ZNF488: variants seen among roughly 807,000 people sequenced by gnomAD.
ZNF488 encodes zinc finger protein 488.
ZNF488 carries 1 observed loss-of-function variant against 1.2 expected under a neutral mutation model. The observed-to-expected ratio is 0.86, with a 90% CI of 0.30 to 4.07. ZNF488 has a LOEUF of 4.07. Among genes scored for constraint, ZNF488 ranks in the 30% most tolerant of loss-of-function variants. The pLI is 0.18. For missense variants in ZNF488, 450 were observed against 437.9 expected, an observed-to-expected ratio of 1.03 and a Z score of -0.25; for synonymous variants, 185 against 190.1, an observed-to-expected ratio of 0.97 and a Z score of 0.22.
At chr10:47,372,763 A>C (rs1323827186) in intron 1 of ZNF488, among the ~76,000 whole-genome samples, 1 of 152,206 alleles carries the variant, frequency 6.6e-6, no homozygotes, top group Non-Finnish European at 1.5e-5. Flanking sequence ...AAAATATCAA[A>C]GACATCAGGA....
chr10:47,379,827 G>C (rs1223837925), intron 1 of ZNF488, among the ~76,000 whole-genome samples: 4 of 152,188 alleles, frequency 2.6e-5, no homozygotes, highest in African/African-American at 7.2e-5. Context: ...ACCTCAGATG[G>C]GGGTATCTCA....
At chr10:47,378,258 C>T (rs1174900796) in intron 1 of ZNF488, among the ~76,000 whole-genome samples, 1 of 152,186 alleles carries the variant, frequency 6.6e-6, no homozygotes, top group East Asian at 1.9e-4. Flanking sequence ...GAAGTGCCCA[C>T]GGTGTGGAAG....
At position 47,368,164 on chromosome 10, in the gene ZNF488, T is replaced by C. The variant is rs1395118687; in HGVS notation, c.666A>G (p.Ala222=). Residue 222 remains alanine (A), a synonymous_variant, in exon 2 of 2, where the codon GCA becomes GCG. Transcript: ENST00000585316. ...TACAGAGTGGAGCATTCTGTGGCAATGCTTGCAAGTTCCACAAATCACCAA... is the reference window on the plus strand; with the variant it reads ...TACAGAGTGGAGCATTCTGTGGCAACGCTTGCAAGTTCCACAAATCACCAA... The part of the protein sequence containing the change: ...LLVGDLWNLQ[A]LPQNAPLCST... 3.1e-6 allele frequency: 5 copies of C among 1,614,040 alleles called. No individual in the cohort carries two copies. Among genetic ancestry groups the C allele is most frequent in the Non-Finnish European group, 4.2e-6 (5 of 1,180,038 alleles).
At chr10:47,369,949 C>G (rs782693693) in intron 1 of ZNF488, among the ~76,000 whole-genome samples, 3 of 152,206 alleles carry the variant, frequency 2.0e-5, no homozygotes, top group Non-Finnish European at 4.4e-5. Flanking sequence ...ATCAAGCCTG[C>G]AACAGGACAG....
At chr10:47,380,886 G>T (rs527323242) in intron 1 of ZNF488, among the ~76,000 whole-genome samples, 8 of 53,924 alleles carry the variant, frequency 1.5e-4, no homozygotes, top group African/African-American at 5.9e-4. Context: ...AGATTAGAAG[G>T]ATTAATATAG....
intron 1 of ZNF488, among the ~76,000 whole-genome samples, chr10:47,378,590 G>A (rs566258609): frequency 2.6e-5 from 4 of 152,228 alleles, no homozygotes; most frequent in African/African-American, 9.6e-5. Flanking sequence ...CCTGCTTCCC[G>A]CCCAGCCATG....
intron 1 of ZNF488, 49 bp from the exon 2 acceptor site, chr10:47,368,986 G>A: frequency 1.2e-6 from 1 of 820,740 alleles, no homozygotes. Flanking sequence ...TCATCACTCA[G>A]GCACAGTGCA....
At chr10:47,374,174 C>T (rs1352012627) in intron 1 of ZNF488, among the ~76,000 whole-genome samples, 1 of 152,172 alleles carries the variant, frequency 6.6e-6, no homozygotes, top group African/African-American at 2.4e-5. Context: ...CACCAGGTGT[C>T]CTCTATGGTC....
At chr10:47,374,406 G>T (rs1837598356) in intron 1 of ZNF488, among the ~76,000 whole-genome samples, 2 of 152,124 alleles carry the variant, frequency 1.3e-5, no homozygotes, top group Admixed American at 1.3e-4. Flanking sequence ...ACAGGACTGT[G>T]GACTCCTTCT....
rs34581622 is a variant in ZNF488, at chr10:47,368,631, G to A, written c.199C>T (p.Arg67Trp). ...GPEAAVGRAG[R>W]DVGSAELALL... Reference sequence around the variant, plus strand: ...GCCAGCTCCGCACTGCCCACATCCCGGCCCGCCCTGCCCACAGCAGCCTCA... The same window carrying A: ...GCCAGCTCCGCACTGCCCACATCCCAGCCCGCCCTGCCCACAGCAGCCTCA... The change falls in exon 2 of 2, where the codon CGG (arginine) becomes TGG (tryptophan). Residue 67 changes from arginine to tryptophan, a missense_variant. Coordinates refer to ENST00000585316, the MANE Select transcript of ZNF488 (RefSeq NM_153034.4). 2.5e-4 allele frequency: 404 copies of A among 1,610,362 alleles called. No homozygotes were observed. Among genetic ancestry groups the A allele is most frequent in the African/African-American group, 1.7e-3 (129 of 75,038 alleles).
Position 47,368,040 on chromosome 10 carries a change from G to A in ZNF488, c.790C>T (p.Pro264Ser). ...GACAAGCCCAGGGAGGTGAGGGTGG[G>A]TGGCAGGAGGGCCCACGAAGTGGTG... ...SSTTSWALLP[P>S]TLTSLGLSTQ... The change falls in exon 2 of 2, where the codon CCC (proline) becomes TCC (serine). Residue 264 changes from proline (P) to serine (S), a missense_variant. Physicochemically the swap from Pro to Ser is moderately conservative, Grantham distance 74 (BLOSUM62 -1). Transcript: ENST00000585316. 1 of 1,614,086 alleles carries A rather than the reference G, an allele frequency of 6.2e-7. No homozygotes were observed. Among genetic ancestry groups the A allele is most frequent in the Non-Finnish European group, 8.5e-7 (1 of 1,179,978 alleles).
At chr10:47,380,571 A>ACCC (rs749926097) in intron 1 of ZNF488, among the ~76,000 whole-genome samples, 9 of 151,516 alleles carry the variant, frequency 5.9e-5, no homozygotes, top group Non-Finnish European at 1.2e-4. Context: ...AGCCTCGCCC[A>ACCC]CCCCACAGTG....
At position 47,384,279 on chromosome 10, in the gene ZNF488, A is replaced by C. The variant is rs1359843551; in HGVS notation, c.-168T>G. 7.2e-5 allele frequency: 11 copies of C among 152,230 alleles called. No individual in the cohort carries two copies. The highest frequency in any genetic ancestry group is 2.7e-4 in the African/African-American group (11 of 41,444). 9.4% of individuals were successfully genotyped at this position (152,230 alleles called of 1,614,324 possible). On this transcript the variant is annotated 5_prime_UTR_variant, in exon 1 of 2. Transcript: ENST00000585316. The stretch of plus-strand genomic sequence containing the variant: ...GGTGCAGCACAGCCTCCTCCCGGCC[A>C]AGAGCACTGCGCGTGGCTCTGAACT...
rs114060999 is a variant in ZNF488, at chr10:47,371,875, C to T, written c.-108-2938G>A. 3.1e-3 allele frequency among the ~76,000 whole-genome samples: 469 copies of T among 152,202 alleles called. 7 individuals carry two copies. The highest frequency in any genetic ancestry group is 0.011 in the African/African-American group (439 of 41,530). ...AGTTTCCTGGGAGCGGAGGGGCCTT[C>T]CCAGTGGGTGGACTATTTCTCATGG... is the stretch of plus-strand genomic sequence containing the variant. On this transcript the variant is annotated intron_variant, in intron 1 of 1. Transcript: ENST00000585316.
chr10:47,382,151 C>T (rs1011062857), intron 1 of ZNF488, among the ~76,000 whole-genome samples: 4 of 152,244 alleles, frequency 2.6e-5, no homozygotes, highest in Admixed American at 6.5e-5. Context: ...CAGGCACTCA[C>T]GGACAGGACT....
In ZNF488 at chr10:47,368,320, T is replaced by C; in HGVS notation, c.510A>G (p.Pro170=). 2 of 1,614,210 alleles carry C rather than the reference T, an allele frequency of 1.2e-6. No individual in the cohort carries two copies. Among genetic ancestry groups the C allele is most frequent in the Non-Finnish European group, 1.7e-6 (2 of 1,180,046 alleles). ...CTGAGGTTAGCTCAGGCCTCTCTGC[T>C]GGTCGCTTGGTTGGTTTGCTAAAGG... ...RSAFSKPTKR[P]AERPELTSVF... The change falls in exon 2 of 2, where the codon CCA becomes CCG. Residue 170 remains proline, a synonymous_variant. Transcript: ENST00000585316.
chr10:47,369,614 C>T (rs530109655), intron 1 of ZNF488, among the ~76,000 whole-genome samples: 15 of 152,310 alleles, frequency 9.8e-5, no homozygotes, highest in Middle Eastern at 3.4e-3. Context: ...AGCTTCTGCG[C>T]GGTCTCTGAT....
At chr10:47,380,155 CCT>C (rs782159790) in intron 1 of ZNF488, among the ~76,000 whole-genome samples, 1 of 152,400 alleles carries the variant, frequency 6.6e-6, no homozygotes, top group Admixed American at 6.5e-5. Flanking sequence ...GCTCTCACCC[CCT>C]GACACTCTTT....
At position 47,367,699 on chromosome 10, in the gene ZNF488, GCAGCAGCTCTGCAAAGGA is replaced by G. The variant is rs1355808643; in HGVS notation, c.*90_*107del. The G allele has an allele frequency of 1.6e-6, 2 of 1,276,388 alleles. No homozygotes were observed. Among genetic ancestry groups the G allele is most frequent in the African/African-American group, 3.0e-5 (2 of 66,808 alleles). The allele number at this position is 1,276,388 out of a possible 1,614,324, so 79.1% of individuals were successfully genotyped here. On this transcript the variant is annotated 3_prime_UTR_variant, in exon 2 of 2. Coordinates refer to ENST00000585316, the MANE Select transcript of ZNF488 (RefSeq NM_153034.4). ...AGCTGTTTATCTATGAATGCCAAAAGCAGCAGCTCTGCAAAGGACCATGACAGCCCCCTCAACGCAGGC... is the reference window on the plus strand; with the variant it reads ...AGCTGTTTATCTATGAATGCCAAAAGCCATGACAGCCCCCTCAACGCAGGC...
Sources: gnomAD v4.1 joint callset for allele counts (sites outside exome capture counted in the v4.1 genomes callset) on GRCh38, gnomAD v4.1.1 for gene constraint, MANE v1.5 for transcripts, NCBI Gene and HGNC (gene_info 2026-07-23, HGNC 2026-07-21) for gene names.